Variants in NDC1 observed in about 807,000 individuals in gnomAD.
The protein encoded by NDC1 is nucleoporin NDC1.
A neutral mutation model predicts 89.8 loss-of-function variants in NDC1; 24 were observed. The ratio of observed to expected loss-of-function variants is 0.27; its 90% CI spans 0.19 to 0.38. The LOEUF is 0.38. NDC1 is among the 10% of genes least tolerant of loss of function. NDC1 has a pLI of 1.00. For synonymous variants in NDC1, 296 were observed against 284.8 expected (o/e 1.04, Z -0.39); for missense variants, 728 against 797.6 (o/e 0.91, Z 1.05).
At chr1:53,770,737 C>T (rs1647105697) in intron 17 of NDC1, among the ~76,000 whole-genome samples, 1 of 152,166 alleles carries the variant, frequency 6.6e-6, no homozygotes, top group Non-Finnish European at 1.5e-5. Flanking sequence ...TCACTGCAAC[C>T]TCCGCCTCCT....
In NDC1 at chr1:53,794,938, CT is replaced by C. The variant is rs561907728; in HGVS notation, c.1585-1660del. Among the ~76,000 whole-genome samples, 11 of 152,274 alleles carry C rather than the reference CT, an allele frequency of 7.2e-5. No individual in the cohort carries two copies. The South Asian group carries it at 1.9e-3, about 26-fold the overall frequency. ...TCCTCCCAGCTATTGCCCCATTTTT[CT>C]GTTCCACTTACAACAAATTCCTTGA... is the stretch of plus-strand genomic sequence containing the variant. On this transcript the variant is annotated intron_variant, in intron 13 of 17. Coordinates refer to ENST00000371429, the MANE Select transcript of NDC1 (RefSeq NM_018087.5).
Position 53,793,576 on chromosome 1 carries a change from TTTTTTTC to T in NDC1, c.1585-304_1585-298del, listed in dbSNP as rs376607814. ...TTAATTCTAAGTGGTTTTGGTGAAA[TTTTTTTC>T]TTTTTTCTTTTTTCTTTTTTATTTC... On this transcript the variant is annotated intron_variant, in intron 13 of 17. Coordinates refer to ENST00000371429, the MANE Select transcript of NDC1 (RefSeq NM_018087.5). Among the ~76,000 whole-genome samples, 650 of 152,212 alleles carry T rather than the reference TTTTTTTC, an allele frequency of 4.3e-3. 2 individuals are homozygous for T. Among genetic ancestry groups the T allele is most frequent in the Middle Eastern group, 0.01 (3 of 294 alleles).
Position 53,806,368 on chromosome 1 carries a change from G to C in NDC1, c.984+57C>G, listed in dbSNP as rs369874696. ...ACTACTTAAATATACTAAATATTAA[G>C]TGTATTGAATAAAGTTAGAGAAAAC... On this transcript the variant is annotated intron_variant, in intron 9 of 17. Transcript: ENST00000371429. 51 of 1,092,082 alleles carry C rather than the reference G, an allele frequency of 4.7e-5. No individual in the cohort carries two copies. The African/African-American group carries it at 7.1e-4, about 15-fold the overall frequency. The allele number at this position is 1,092,082 out of a possible 1,614,324, so 67.6% of individuals were successfully genotyped here.
intron 9 of NDC1, 87 bp downstream of exon 9, chr1:53,806,338 A>G: frequency 1.2e-6 from 1 of 857,256 alleles, no homozygotes; most frequent in African/African-American, 1.8e-5. Flanking sequence ...CCCTCAAAAA[A>G]TACAACTACT....
At chr1:53,829,672 T>C (rs1257018693) in intron 3 of NDC1, among the ~76,000 whole-genome samples, 2 of 152,206 alleles carry the variant, frequency 1.3e-5, no homozygotes, top group East Asian at 3.8e-4. Flanking sequence ...ACTGAAGGAA[T>C]GAGCCAAAGT....
intron 6 of NDC1, among the ~76,000 whole-genome samples, chr1:53,811,453 C>T (rs899816945): frequency 1.3e-5 from 2 of 152,064 alleles, no homozygotes; most frequent in Non-Finnish European, 2.9e-5. Flanking sequence ...GAGACTGGCC[C>T]TTTGGTTTGC....
chr1:53,825,049 C>T (rs1346224985), intron 5 of NDC1, among the ~76,000 whole-genome samples: 1 of 152,134 alleles, frequency 6.6e-6, no homozygotes, highest in Non-Finnish European at 1.5e-5. Flanking sequence ...TGGTGCACAC[C>T]TGTAGTCCCA....
intron 3 of NDC1, among the ~76,000 whole-genome samples, chr1:53,828,680 T>G (rs74556606): frequency 6.6e-6 from 1 of 152,012 alleles, no homozygotes; most frequent in South Asian, 2.1e-4. Flanking sequence ...GGCGCAATCT[T>G]GGCTCACTGC....
At chr1:53,788,620 T>G (rs1346141009) in intron 15 of NDC1, among the ~76,000 whole-genome samples, 1 of 151,864 alleles carries the variant, frequency 6.6e-6, no homozygotes, top group African/African-American at 2.4e-5. Context: ...AGAGAAGGGA[T>G]TTCACCATGC....
intron 5 of NDC1, among the ~76,000 whole-genome samples, chr1:53,822,631 C>T (rs993169024): frequency 1.3e-5 from 2 of 151,374 alleles, no homozygotes; most frequent in Non-Finnish European, 2.9e-5. Flanking sequence ...TTGAGACTGG[C>T]CATGGGATGG....
At chr1:53,777,015 G>T (rs1336028070) in intron 16 of NDC1, among the ~76,000 whole-genome samples, 1 of 149,238 alleles carries the variant, frequency 6.7e-6, no homozygotes, top group Non-Finnish European at 1.5e-5. Context: ...AATTGCAAGA[G>T]AATAAATTTT....
intron 16 of NDC1, among the ~76,000 whole-genome samples, chr1:53,783,911 G>A (rs1166524043): frequency 2.6e-5 from 4 of 152,178 alleles, no homozygotes; most frequent in African/African-American, 7.2e-5. Flanking sequence ...ATGAAACAGA[G>A]CAAGACAGGG....
At position 53,806,427 on chromosome 1, in the gene NDC1, T is replaced by G; in HGVS notation, c.982A>C (p.Lys328Gln). 1 of 1,530,644 alleles carries G rather than the reference T, an allele frequency of 6.5e-7. No individual in the cohort carries two copies. Among genetic ancestry groups the G allele is most frequent in the South Asian group, 1.3e-5 (1 of 75,360 alleles). 94.8% of individuals were successfully genotyped at this position (1,530,644 alleles called of 1,614,324 possible). ...GATATGCAACACAGTTTGGATACCT[T>G]TATGATGGGGGGAGGATTGCTATTT... ...VLNSNPPPII[K>Q]YLALQDLMLL... Residue 328 changes from lysine to glutamine, a missense_variant and splice_region_variant, in exon 9 of 18, where the codon AAG (lysine) becomes CAG (glutamine). Physicochemically the swap from Lys to Gln is moderately conservative, Grantham distance 53 (BLOSUM62 1). Transcript: ENST00000371429.
At position 53,828,151 on chromosome 1, in the gene NDC1, G is replaced by T; in HGVS notation, c.303C>A (p.Ser101=). The change falls in exon 4 of 18, where the codon TCC becomes TCA. Residue 101 remains serine (S), a synonymous_variant. Transcript: ENST00000371429. Reference sequence around the variant, plus strand: ...TGATCTTCCCTATCAGAGCTAGTCTGGAGCAAGGAATAGAAGGCACAACTG... The same window carrying T: ...TGATCTTCCCTATCAGAGCTAGTCTTGAGCAAGGAATAGAAGGCACAACTG... ...FYAVVPSIPC[S]RLALIGKIIH... The T allele has an allele frequency of 6.2e-7, 1 of 1,613,958 alleles. No individual in the cohort carries two copies. Among genetic ancestry groups the T allele is most frequent in the Non-Finnish European group, 8.5e-7 (1 of 1,179,922 alleles).
chr1:53,771,143 C>A (rs1027819131), intron 17 of NDC1: 1 of 194,466 alleles, frequency 5.1e-6, no homozygotes, highest in Non-Finnish European at 1.1e-5. Context: ...GCAAGGTCTA[C>A]GGGTATGCCC....
intron 5 of NDC1, among the ~76,000 whole-genome samples, chr1:53,823,985 T>G (rs1030800449): frequency 1.4e-4 from 21 of 151,992 alleles, no homozygotes; most frequent in African/African-American, 5.1e-4. Context: ...CCAGGCATAG[T>G]GGCTCATGCC....
At chr1:53,786,727 T>G (rs928701294) in intron 16 of NDC1, among the ~76,000 whole-genome samples, 2 of 152,200 alleles carry the variant, frequency 1.3e-5, no homozygotes, top group Non-Finnish European at 2.9e-5. Context: ...AGACAGGGTC[T>G]CGCTCTGTTA....
intron 16 of NDC1, among the ~76,000 whole-genome samples, chr1:53,774,930 A>G (rs1187839560): frequency 1.3e-5 from 2 of 152,202 alleles, no homozygotes; most frequent in Non-Finnish European, 2.9e-5. Flanking sequence ...AAATGAAAAT[A>G]AGAATATAAA....
In NDC1 at chr1:53,796,900, A is replaced by T; in HGVS notation, c.1467T>A (p.Ser489=). The T allele has an allele frequency of 8.1e-6, 13 of 1,613,532 alleles. No homozygotes were observed. The highest frequency in any genetic ancestry group is 1.1e-5 in the Non-Finnish European group (13 of 1,179,874). ...RRGPRLWTSA[S]DQQMTEFSNP... ...TCTTAAAAAATATATAATTCTCACCAGAAGCTGATGTCCACAATCTTGGCC... is the reference window on the plus strand; with the variant it reads ...TCTTAAAAAATATATAATTCTCACCTGAAGCTGATGTCCACAATCTTGGCC... The change falls in exon 12 of 18, where the codon TCT becomes TCA. Residue 489 remains serine (S), a splice_region_variant and synonymous_variant. Coordinates refer to ENST00000371429, the MANE Select transcript of NDC1 (RefSeq NM_018087.5).
Sources: gnomAD v4.1 joint callset for allele counts (sites outside exome capture counted in the v4.1 genomes callset) on GRCh38, gnomAD v4.1.1 for gene constraint, MANE v1.5 for transcripts, NCBI Gene and HGNC (gene_info 2026-07-23, HGNC 2026-07-21) for gene names.